Variants in SRBD1 observed in about 807,000 individuals in gnomAD.
The protein encoded by SRBD1 is S1 RNA-binding domain-containing protein 1.
Under a neutral mutation model 115.3 loss-of-function variants are expected in SRBD1, and 88 were observed. That is an observed-to-expected ratio of 0.76 (90% CI 0.64 to 0.91). The LOEUF (loss-of-function observed/expected upper bound fraction) is 0.91. SRBD1 is among the 40% of genes least tolerant of loss of function. SRBD1 has a pLI of 0.00. For missense variants in SRBD1, 1,385 were observed against 1,177.4 expected (o/e 1.18, Z -2.58); for synonymous variants, 509 against 407.7 (o/e 1.25, Z -2.99).
Position 45,389,321 on chromosome 2 carries a change from G to T in SRBD1, c.2977C>A (p.Arg993=), listed in dbSNP as rs758691871. The T allele has an allele frequency of 6.2e-7, 1 of 1,613,302 alleles. No individual in the cohort carries two copies. The highest frequency in any genetic ancestry group is 1.7e-5 in the Admixed American group (1 of 59,944). ...CCTTCGTGGGATACTCATAACACCC[G>T]AATGAGGTCCAGAGTAATCCTAGAT... ...PRSRITLDLI[R]VL Residue 993 remains arginine, a synonymous_variant, in exon 21 of 21, where the codon CGG becomes AGG. Coordinates refer to ENST00000263736, the MANE Select transcript of SRBD1 (RefSeq NM_018079.5).
chr2:45,578,954 A>G (rs1190883987), intron 7 of SRBD1, among the ~76,000 whole-genome samples: 1 of 152,238 alleles, frequency 6.6e-6, no homozygotes, highest in Non-Finnish European at 1.5e-5. Context: ...ATGTATTAAT[A>G]TATGTATATC....
chr2:45,576,353 G>A (rs1673176642), intron 7 of SRBD1, among the ~76,000 whole-genome samples: 1 of 151,440 alleles, frequency 6.6e-6, no homozygotes, highest in Non-Finnish European at 1.5e-5. Context: ...AAGGCTTCAG[G>A]TCAACAGTAG....
chr2:45,551,754 G>C (rs1481484572), intron 11 of SRBD1, among the ~76,000 whole-genome samples: 1 of 152,074 alleles, frequency 6.6e-6, no homozygotes, highest in Admixed American at 6.5e-5. Context: ...GACAGAAGTA[G>C]AGGCAAGAAA....
chr2:45,423,089 G>C (rs1255005105), intron 16 of SRBD1, among the ~76,000 whole-genome samples: 1 of 152,090 alleles, frequency 6.6e-6, no homozygotes, highest in Non-Finnish European at 1.5e-5. Context: ...TTAAAACATG[G>C]TTTTATAAAT....
chr2:45,443,563 T>C (rs971590137), intron 16 of SRBD1, among the ~76,000 whole-genome samples: 1 of 152,044 alleles, frequency 6.6e-6, no homozygotes, highest in Non-Finnish European at 1.5e-5. Context: ...GGTGGACATA[T>C]GGAGTTTGGA....
chr2:45,414,932 C>CACATAT lies in SRBD1; in HGVS notation c.2334-1640_2334-1639insATATGT, dbSNP rs370661224. Among the ~76,000 whole-genome samples, 260 of 109,726 alleles carry CACATAT rather than the reference C, an allele frequency of 2.4e-3. 4 individuals carry two copies. Among genetic ancestry groups the CACATAT allele is most frequent in the African/African-American group, 6.7e-3 (126 of 18,790 alleles). 72.0% of individuals were successfully genotyped at this position (109,726 alleles called of 152,430 possible). Reference sequence around the variant, plus strand: ...AGTGTGTATATAGTATGTACACACACAGTGTTATATAGTATGTACATACAC... The same window carrying CACATAT: ...AGTGTGTATATAGTATGTACACACACACATATAGTGTTATATAGTATGTACATACAC... On this transcript the variant is annotated intron_variant, in intron 18 of 20. Transcript: ENST00000263736.
At chr2:45,505,173 C>G (rs1237823366) in intron 14 of SRBD1, among the ~76,000 whole-genome samples, 13 of 152,102 alleles carry the variant, frequency 8.5e-5, no homozygotes, top group Admixed American at 8.5e-4. Flanking sequence ...AGGAAAAAAT[C>G]AGTTATATCT....
intron 16 of SRBD1, among the ~76,000 whole-genome samples, chr2:45,454,947 T>C (rs559072104): frequency 7.9e-5 from 12 of 151,978 alleles, no homozygotes; most frequent in Admixed American, 3.3e-4. Context: ...ATAATTTTTA[T>C]ATATTTTAAC....
chr2:45,389,496 A>C lies in SRBD1; in HGVS notation c.2802T>G (p.Ile934Met). ...ATTTCCCCACTCCTATATCCACAAA[A>C]ATTCCAAAGAGAGTGGCATTCTCAA... Reference protein sequence around the residue: ...GKVENATLFGIFVDIGVGKSG... With the variant: ...GKVENATLFGMFVDIGVGKSG... The change falls in exon 21 of 21, where the codon ATT becomes ATG. Residue 934 changes from isoleucine (I) to methionine (M), a missense_variant. Transcript: ENST00000263736. 1 of 1,614,066 alleles carries C rather than the reference A, an allele frequency of 6.2e-7. No individual in the cohort carries two copies. The highest frequency in any genetic ancestry group is 8.5e-7 in the Non-Finnish European group (1 of 1,179,970).
intron 14 of SRBD1, among the ~76,000 whole-genome samples, chr2:45,540,214 G>A (rs867342480): frequency 2.0e-5 from 3 of 151,864 alleles, no homozygotes; most frequent in East Asian, 3.9e-4. Context: ...GGTGGCAGGC[G>A]CCTGTAATCC....
intron 14 of SRBD1, among the ~76,000 whole-genome samples, chr2:45,540,012 A>C (rs1671884000): frequency 6.6e-6 from 1 of 152,188 alleles, no homozygotes; most frequent in African/African-American, 2.4e-5. Flanking sequence ...AGATTTGAAA[A>C]ACACAGAACT....
chr2:45,484,511 CT>C (rs1208657708), intron 15 of SRBD1, among the ~76,000 whole-genome samples: 1 of 152,172 alleles, frequency 6.6e-6, no homozygotes, highest in Non-Finnish European at 1.5e-5. Context: ...AATCCCCAGT[CT>C]TCTGCAAAGG....
Position 45,599,784 on chromosome 2 carries a change from AT to A in SRBD1, c.312del (p.Lys104AsnfsTer8). The A allele has an allele frequency of 6.2e-7, 1 of 1,614,018 alleles. No individual in the cohort carries two copies. The highest frequency in any genetic ancestry group is 2.2e-5 in the East Asian group (1 of 44,882). On this transcript the variant is annotated frameshift_variant, in exon 4 of 21. Transcript: ENST00000263736. LOFTEE classifies it high-confidence loss of function. The stretch of plus-strand genomic sequence containing the variant: ...GTTTTCAGAGTCTGTACAGTATCCA[AT>A]TTATTTTTTCTGTCTTCTAAAGCAG... ...ADTALEDRKN[K>X]LDTVQTLKTA...
chr2:45,586,545 T>A (rs1381770340), intron 4 of SRBD1, among the ~76,000 whole-genome samples: 1 of 152,120 alleles, frequency 6.6e-6, no homozygotes, highest in Non-Finnish European at 1.5e-5. Flanking sequence ...TAATTACTTT[T>A]TAATTTTTTT....
At chr2:45,389,768 A>G (rs533338305) in intron 20 of SRBD1, among the ~76,000 whole-genome samples, 169 bp from the exon 21 acceptor site, 1 of 152,336 alleles carries the variant, frequency 6.6e-6, no homozygotes, top group African/African-American at 2.4e-5. Flanking sequence ...GAACATGCAT[A>G]TCAGTTGGAG....
intron 14 of SRBD1, among the ~76,000 whole-genome samples, chr2:45,516,645 G>T (rs866401285): frequency 1.3e-5 from 2 of 152,140 alleles, no homozygotes; most frequent in Non-Finnish European, 2.9e-5. Context: ...TACAGGAGTA[G>T]ATAGTTCCAC....
chr2:45,558,730 C>T, intron 10 of SRBD1, among the ~76,000 whole-genome samples: 1 of 117,594 alleles, frequency 8.5e-6, no homozygotes, highest in Admixed American at 1.2e-4. Flanking sequence ...TCACTCTTGT[C>T]ACCCAGGCTG....
chr2:45,438,425 G>C (rs578261299), intron 16 of SRBD1, among the ~76,000 whole-genome samples: 1 of 152,280 alleles, frequency 6.6e-6, no homozygotes, highest in South Asian at 2.1e-4. Context: ...ACCAAACTAG[G>C]ATGACCCAGA....
At chr2:45,402,529 C>T (rs554741129) in intron 19 of SRBD1, among the ~76,000 whole-genome samples, 2 of 152,244 alleles carry the variant, frequency 1.3e-5, no homozygotes, top group African/African-American at 4.8e-5. Context: ...CATTCCAATG[C>T]TACTGCATGT....
Sources: allele counts gnomAD v4.1 joint callset (sites outside exome capture counted in the v4.1 genomes callset), GRCh38; gene constraint gnomAD v4.1.1; transcripts MANE v1.5; gene names NCBI Gene and HGNC (gene_info 2026-07-23, HGNC 2026-07-21).